Variants in RPTOR observed in about 807,000 individuals in gnomAD.
The protein encoded by RPTOR is regulatory-associated protein of mTOR.
RPTOR carries 21 observed loss-of-function variants against 169.9 expected under a neutral mutation model. The ratio of observed to expected loss-of-function variants is 0.12; its 90% CI spans 0.09 to 0.18. RPTOR has a LOEUF of 0.18. RPTOR is among the 10% of genes least tolerant of loss of function. RPTOR has a pLI of 1.00. For missense variants in RPTOR, 1,133 were observed against 1,855.9 expected (o/e 0.61, Z 7.16); for synonymous variants, 732 against 753.2 (o/e 0.97, Z 0.46).
rs529500504 is a variant in RPTOR, at chr17:80,635,210, C to G, written c.266-8518C>G. ...ATTTCACCCCAATATCTGCCTTTCT[C>G]ACTGCCCTGGTCCAACACCCATATG... On this transcript the variant is annotated intron_variant, in intron 2 of 33. Transcript: ENST00000306801. Among the ~76,000 whole-genome samples the G allele has an allele frequency of 2.0e-5, 3 of 152,306 alleles. No individual in the cohort carries two copies. In the East Asian group the frequency reaches 5.8e-4, roughly 29 times the overall value.
intron 6 of RPTOR, among the ~76,000 whole-genome samples, chr17:80,777,803 A>C (rs9898441): frequency 0.27 from 41,453 of 152,096 alleles, 5,805 homozygotes; most frequent in African/African-American, 0.33. Flanking sequence ...TTAAATAAGC[A>C]TAGCTTGGAC....
chr17:80,556,129 G>A (rs1450060203), intron 1 of RPTOR, among the ~76,000 whole-genome samples: 1 of 151,754 alleles, frequency 6.6e-6, no homozygotes, highest in Non-Finnish European at 1.5e-5. Flanking sequence ...GGCCTTACAT[G>A]TGGCCACACA....
chr17:80,790,560 G>C (rs2067037118), intron 6 of RPTOR, among the ~76,000 whole-genome samples: 1 of 152,070 alleles, frequency 6.6e-6, no homozygotes, highest in Non-Finnish European at 1.5e-5. Context: ...CCCCCATAGA[G>C]GAGTCACTGC....
rs555873614 is a variant in RPTOR at position 80,630,304 on chromosome 17, ATAGTT to A, written c.265+4516_265+4520del. Reference sequence around the variant, plus strand: ...GCGAATGAGGTAAGTTGCATAGTCTATAGTTTAGTAAGTAGTTAACTGGGGTTAGA... The same window carrying A: ...GCGAATGAGGTAAGTTGCATAGTCTATAGTAAGTAGTTAACTGGGGTTAGA... On this transcript the variant is annotated intron_variant, in intron 2 of 33. Coordinates refer to ENST00000306801, the MANE Select transcript of RPTOR (RefSeq NM_020761.3). Among the ~76,000 whole-genome samples the A allele has an allele frequency of 2.2e-3, 333 of 152,334 alleles. 2 individuals carry two copies. The highest frequency in any genetic ancestry group is 6.6e-3 in the African/African-American group (274 of 41,586).
At chr17:80,641,445 A>G (rs1482421187) in intron 2 of RPTOR, among the ~76,000 whole-genome samples, 1 of 152,244 alleles carries the variant, frequency 6.6e-6, no homozygotes, top group African/African-American at 2.4e-5. Flanking sequence ...GTAAAATCTT[A>G]TTAACGTCAT....
chr17:80,701,373 CTTTTG>C (rs1424124897), intron 3 of RPTOR, among the ~76,000 whole-genome samples: 2 of 152,152 alleles, frequency 1.3e-5, no homozygotes, highest in Non-Finnish European at 2.9e-5. Context: ...CTCTTTTTGG[CTTTTG>C]TTTTGTTTCT....
At chr17:80,882,170 G>A (rs1346732307) in intron 14 of RPTOR, among the ~76,000 whole-genome samples, 1 of 152,210 alleles carries the variant, frequency 6.6e-6, no homozygotes, top group Non-Finnish European at 1.5e-5. Flanking sequence ...GCCGGGCTAA[G>A]AGCCGGGCTG....
chr17:80,803,179 T>C lies in RPTOR; in HGVS notation c.890+11670T>C, dbSNP rs945899384. 1 of 152,312 alleles carries C rather than the reference T, an allele frequency of 6.6e-6. No homozygotes were observed. Among genetic ancestry groups the C allele is most frequent in the Non-Finnish European group, 1.5e-5 (1 of 68,110 alleles). The allele number at this position is 152,312 out of a possible 1,614,324, so 9.4% of individuals were successfully genotyped here. On this transcript the variant is annotated intron_variant, in intron 7 of 33. Coordinates refer to ENST00000306801, the MANE Select transcript of RPTOR (RefSeq NM_020761.3). This position sits in a 1 kb window ranked among gnomAD's most constrained non-coding sequence, Gnocchi z 6.2. ...CAATCGGTGATAAAGCAGTGTGGCGTGAGGCGCCAGCATAACCGGGGACCC... is the reference window on the plus strand; with the variant it reads ...CAATCGGTGATAAAGCAGTGTGGCGCGAGGCGCCAGCATAACCGGGGACCC...
At chr17:80,598,414 A>G (rs2065159571) in intron 1 of RPTOR, among the ~76,000 whole-genome samples, 1 of 152,248 alleles carries the variant, frequency 6.6e-6, no homozygotes. Flanking sequence ...GGATGGAGGA[A>G]GAATCAATTC....
chr17:80,578,696 G>C (rs1375827310), intron 1 of RPTOR, among the ~76,000 whole-genome samples: 1 of 152,214 alleles, frequency 6.6e-6, no homozygotes, highest in East Asian at 1.9e-4. Context: ...AGGTGCTGCT[G>C]CTAGGGCTGG....
At chr17:80,894,106 G>A (rs55880615) in intron 20 of RPTOR, among the ~76,000 whole-genome samples, 35,905 of 145,936 alleles carry the variant, frequency 0.25, 4,394 homozygotes, top group South Asian at 0.43. Context: ...CATCGGAGCT[G>A]GCCAGTTTGG....
chr17:80,580,387 G>A (rs939847131), intron 1 of RPTOR, among the ~76,000 whole-genome samples: 10 of 152,286 alleles, frequency 6.6e-5, no homozygotes, highest in Middle Eastern at 3.4e-3. Context: ...GTGCCCGCTC[G>A]TGGGGTCTGA....
rs1400260569 is a variant in RPTOR, at chr17:80,686,952, CCA to C, written c.349-20888_349-20887del. ...ACACAGCTTATTGCATCTATCAGTT[CCA>C]GTCAGAGCTGATGGCAAACTCTTGT... is the stretch of plus-strand genomic sequence containing the variant. On this transcript the variant is annotated intron_variant, in intron 3 of 33. Coordinates refer to ENST00000306801, the MANE Select transcript of RPTOR (RefSeq NM_020761.3). Among the ~76,000 whole-genome samples the C allele has an allele frequency of 2.0e-4, 30 of 150,188 alleles. 1 individual carries two copies. The highest frequency in any genetic ancestry group is 4.5e-5 in the Non-Finnish European group (3 of 67,398).
intron 19 of RPTOR, 26 bp from the exon 20 acceptor site, chr17:80,893,681 C>T: frequency 1.2e-6 from 2 of 1,602,778 alleles, no homozygotes; most frequent in Non-Finnish European, 8.5e-7. Context: ...GGGAGCACCC[C>T]ACTGACCCCG....
intron 29 of RPTOR, among the ~76,000 whole-genome samples, chr17:80,958,692 C>T (rs1009591953): frequency 1.3e-5 from 2 of 152,094 alleles, no homozygotes; most frequent in African/African-American, 4.8e-5. Flanking sequence ...GGATTACAGG[C>T]GTGAGCCACT....
Position 80,960,215 on chromosome 17 carries a change from C to A in RPTOR, c.3605+10C>A, listed in dbSNP as rs1183779481. 1.2e-6 allele frequency: 2 copies of A among 1,613,206 alleles called. No homozygotes were observed. The highest frequency in any genetic ancestry group is 1.3e-5 in the African/African-American group (1 of 74,940). ...TGGCACTCAGCGAATGGTACCTTGA[C>A]CCTGTCCTCTCCCTCCCCGAGTGCT... On this transcript the variant is annotated intron_variant, in intron 30 of 33. Coordinates refer to ENST00000306801, the MANE Select transcript of RPTOR (RefSeq NM_020761.3). The surrounding 1 kb of genome is among the most constrained non-coding windows in gnomAD (Gnocchi z 4.8).
At position 80,609,150 on chromosome 17, in the gene RPTOR, G is replaced by C. The variant is rs62068303; in HGVS notation, c.163-16541G>C. On this transcript the variant is annotated intron_variant, in intron 1 of 33. Transcript: ENST00000306801. The surrounding 1 kb of genome is among the most constrained non-coding windows in gnomAD (Gnocchi z 4.8). ...GGAGAGGGCATCACTAGCCTGCCTC[G>C]GGCTGCAGGGGGCGGGGAGCACATG... Among the ~76,000 whole-genome samples the C allele has an allele frequency of 6.6e-6, 1 of 152,064 alleles. No homozygotes were observed. The highest frequency in any genetic ancestry group is 6.5e-5 in the Admixed American group (1 of 15,274).
intron 3 of RPTOR, among the ~76,000 whole-genome samples, chr17:80,688,040 C>T (rs1288148129): frequency 3.3e-5 from 5 of 152,210 alleles, no homozygotes; most frequent in African/African-American, 1.2e-4. Flanking sequence ...AGTCTCCATG[C>T]TGTAGCCCAA....
intron 3 of RPTOR, among the ~76,000 whole-genome samples, chr17:80,697,786 G>C (rs1397146242): frequency 6.6e-6 from 1 of 152,204 alleles, no homozygotes; most frequent in Non-Finnish European, 1.5e-5. Flanking sequence ...TCAGGGGCCG[G>C]TGGCCTGACT....
Sources: allele counts gnomAD v4.1 joint callset (sites outside exome capture counted in the v4.1 genomes callset), GRCh38; gene constraint gnomAD v4.1.1; non-coding constraint Gnocchi (gnomAD v3.1); transcripts MANE v1.5; gene names NCBI Gene and HGNC (gene_info 2026-07-23, HGNC 2026-07-21).